DMRT1: variants seen among roughly 807,000 people sequenced by gnomAD.
The protein encoded by DMRT1 is doublesex- and mab-3-related transcription factor 1.
DMRT1 carries 7 observed loss-of-function variants against 32.3 expected under a neutral mutation model. That is an observed-to-expected ratio of 0.22 (90% confidence interval 0.12 to 0.41). The LOEUF (loss-of-function observed/expected upper bound fraction) is 0.41, where lower values mean the gene tolerates loss of function less well. Among genes scored for constraint, DMRT1 ranks in the 10% least tolerant of loss-of-function variants. The pLI, the probability that DMRT1 is intolerant of heterozygous loss-of-function variation, is 1.00. For synonymous variants in DMRT1, 278 were observed against 206.1 expected (o/e 1.35, Z -2.99); for missense variants, 625 against 500.5 (o/e 1.25, Z -2.37).
At chr9:853,905 C>T (rs1401808153) in intron 2 of DMRT1, among the ~76,000 whole-genome samples, 2 of 152,086 alleles carry the variant, frequency 1.3e-5, no homozygotes, top group Non-Finnish European at 1.5e-5. Context: ...AAACAATTCT[C>T]CCACCTCAGC....
chr9:880,137 T>A (rs943329546), intron 2 of DMRT1, among the ~76,000 whole-genome samples: 1 of 152,170 alleles, frequency 6.6e-6, no homozygotes, highest in South Asian at 2.1e-4. Flanking sequence ...GTAATTGTAG[T>A]TTGTCATCAG....
rs141173722 is a variant in DMRT1 at position 847,115 on chromosome 9, G to A, written c.510G>A (p.Pro170=). The change falls in exon 2 of 5, where the codon CCG becomes CCA. Residue 170 remains proline, a synonymous_variant. Transcript: ENST00000382276. The part of the protein sequence containing the change: ...TECSGTSQPP[P]ASVPTTAASE... Reference sequence around the variant, plus strand: ...GCAGTGGCACCTCTCAGCCACCGCCGGCCAGTGTCCCCACCACTGCAGCTT... The same window carrying A: ...GCAGTGGCACCTCTCAGCCACCGCCAGCCAGTGTCCCCACCACTGCAGCTT... 6 of 1,613,316 alleles carry A rather than the reference G, an allele frequency of 3.7e-6. No individual in the cohort carries two copies. The highest frequency in any genetic ancestry group is 2.2e-5 in the East Asian group (1 of 44,872).
intron 2 of DMRT1, among the ~76,000 whole-genome samples, chr9:866,829 C>G (rs969231179): frequency 1.8e-4 from 27 of 152,282 alleles, no homozygotes; most frequent in African/African-American, 6.5e-4. Flanking sequence ...CACCCTCTCC[C>G]TCAATTTTTA....
intron 3 of DMRT1, among the ~76,000 whole-genome samples, chr9:896,338 G>T (rs1246602959): frequency 4.2e-5 from 6 of 142,320 alleles, no homozygotes; most frequent in African/African-American, 7.9e-5. Context: ...GCCCAGGCTG[G>T]TGCGATCTTG....
At chr9:873,782 T>C (rs947063385) in intron 2 of DMRT1, among the ~76,000 whole-genome samples, 9 of 152,220 alleles carry the variant, frequency 5.9e-5, no homozygotes, top group Non-Finnish European at 1.0e-4. Flanking sequence ...TTAAGTATTG[T>C]ATTGTCCATT....
At chr9:910,783 A>G (rs762326123) in intron 3 of DMRT1, among the ~76,000 whole-genome samples, 4 of 152,146 alleles carry the variant, frequency 2.6e-5, no homozygotes, top group Non-Finnish European at 4.4e-5. Context: ...TTGGATGGGT[A>G]ATAACGTATA....
At chr9:944,840 C>G (rs1188851372) in intron 4 of DMRT1, among the ~76,000 whole-genome samples, 1 of 152,000 alleles carries the variant, frequency 6.6e-6, no homozygotes, top group Non-Finnish European at 1.5e-5. Context: ...AACATAGGCA[C>G]TATCGTGTAT....
At chr9:894,698 G>A (rs1376267800) in intron 3 of DMRT1, 3 of 194,346 alleles carry the variant, frequency 1.5e-5, no homozygotes, top group Non-Finnish European at 3.2e-5. Context: ...ATGGAAGAAA[G>A]GTAAGAAAAG....
chr9:862,245 C>A (rs28670927), intron 2 of DMRT1, among the ~76,000 whole-genome samples: 45,567 of 151,758 alleles, frequency 0.3, 6,946 homozygotes, highest in Middle Eastern at 0.37. Flanking sequence ...TCCGTCTGCA[C>A]TCCCGGCACC....
chr9:959,989 T>C (rs1205015783), intron 4 of DMRT1, among the ~76,000 whole-genome samples: 1 of 152,266 alleles, frequency 6.6e-6, no homozygotes. Context: ...GTGCTGGACA[T>C]GGACAATGGA....
intron 4 of DMRT1, among the ~76,000 whole-genome samples, chr9:956,061 T>C (rs1351650540): frequency 1.3e-5 from 2 of 152,220 alleles, no homozygotes; most frequent in African/African-American, 2.4e-5. Context: ...AAAAGGTGTA[T>C]ACGTATACAA....
chr9:922,864 G>A (rs190500198), intron 4 of DMRT1, among the ~76,000 whole-genome samples: 1 of 150,302 alleles, frequency 6.7e-6, no homozygotes, highest in African/African-American at 2.5e-5. Flanking sequence ...TCCGTGAAGC[G>A]AGTTGCAGAG....
chr9:926,992 C>T (rs928251597), intron 4 of DMRT1, among the ~76,000 whole-genome samples: 1 of 152,202 alleles, frequency 6.6e-6, no homozygotes, highest in Non-Finnish European at 1.5e-5. Context: ...CTGTTGGGCC[C>T]TCCTTGGATG....
chr9:941,165 A>C (rs1295221976), intron 4 of DMRT1, among the ~76,000 whole-genome samples: 1 of 152,170 alleles, frequency 6.6e-6, no homozygotes, highest in African/African-American at 2.4e-5. Flanking sequence ...TCCAGCAATT[A>C]CACTTCTTGA....
rs1392455624 is a variant in DMRT1 at position 890,318 on chromosome 9, T to C, written c.539-3594T>C. 2.0e-5 allele frequency among the ~76,000 whole-genome samples: 3 copies of C among 152,086 alleles called. No individual in the cohort carries two copies. The East Asian group carries it at 5.8e-4, about 29-fold the overall frequency. Reference sequence around the variant, plus strand: ...GAGGAGCGAATGGACATGTGCCCTCTCCAGACTTGGGGGTGTGGAATAATG... The same window carrying C: ...GAGGAGCGAATGGACATGTGCCCTCCCCAGACTTGGGGGTGTGGAATAATG... On this transcript the variant is annotated intron_variant, in intron 2 of 4. Transcript: ENST00000382276.
chr9:950,216 G>A (rs1785296570), intron 4 of DMRT1, among the ~76,000 whole-genome samples: 8 of 152,046 alleles, frequency 5.3e-5, no homozygotes, highest in Admixed American at 5.2e-4. Flanking sequence ...CTCAGTTGAT[G>A]CCTTAGACTT....
At chr9:889,707 C>T (rs1002142878) in intron 2 of DMRT1, among the ~76,000 whole-genome samples, 3 of 152,186 alleles carry the variant, frequency 2.0e-5, no homozygotes, top group Admixed American at 6.5e-5. Flanking sequence ...AGAACTTGTG[C>T]TGTGCCCTGA....
chr9:851,623 A>G (rs1839156097), intron 2 of DMRT1, among the ~76,000 whole-genome samples: 1 of 152,216 alleles, frequency 6.6e-6, no homozygotes. Context: ...GAAATGCTCA[A>G]GAATTATTGC....
intron 4 of DMRT1, among the ~76,000 whole-genome samples, chr9:932,883 C>T (rs902406972): frequency 6.6e-6 from 1 of 151,732 alleles, no homozygotes; most frequent in African/African-American, 2.4e-5. Flanking sequence ...GCATGGGGCG[C>T]GGTATCTCCG....
Sources: allele counts gnomAD v4.1 joint callset (sites outside exome capture counted in the v4.1 genomes callset), GRCh38; gene constraint gnomAD v4.1.1; transcripts MANE v1.5; gene names NCBI Gene and HGNC (gene_info 2026-07-23, HGNC 2026-07-21).